The following HOXD11 variants were observed in gnomAD, a reference collection of about 807,000 sequenced individuals.
The protein encoded by HOXD11 is homeobox protein Hox-D11.
HOXD11 carries 16 observed loss-of-function variants against 23.1 expected under a neutral mutation model. The ratio of observed to expected loss-of-function variants is 0.69; its 90% CI spans 0.47 to 1.05. The LOEUF (loss-of-function observed/expected upper bound fraction) is 1.05. Ranked by LOEUF, HOXD11 falls within the 50% of genes least tolerant of loss-of-function variation. The probability of loss-of-function intolerance (pLI) is 0.00; values close to 1 mark genes in which losing one functional copy is unlikely to be tolerated. For missense variants in HOXD11, 564 were observed against 495.6 expected (o/e 1.14, Z -1.31); for synonymous variants, 262 against 224.4 (o/e 1.17, Z -1.50).
At position 176,107,620 on chromosome 2, in the gene HOXD11, A is replaced by AGCGGGGGCGGCCCCG. The variant is rs1337534030; in HGVS notation, c.277_291dup (p.Pro93_Gly97dup). ...CGGCGGCAGCGCGGGGGGCGGCAGC[A>AGCGGGGGCGGCCCCG]GCGGGGGCGGCCCCGGCGGGGGCGG... On this transcript the variant is annotated inframe_insertion, in exon 1 of 2. Coordinates refer to ENST00000249504, the MANE Select transcript of HOXD11 (RefSeq NM_021192.3). 8.2e-6 allele frequency: 9 copies of AGCGGGGGCGGCCCCG among 1,099,194 alleles called. No individual in the cohort carries two copies. The highest frequency in any genetic ancestry group is 1.7e-5 in the African/African-American group (1 of 59,000). The allele number at this position is 1,099,194 out of a possible 1,614,324, so 68.1% of individuals were successfully genotyped here. A position where few individuals can be genotyped will look rare whatever the true frequency, so the allele number is the denominator to read the frequency against.
downstream of HOXD11, among the ~76,000 whole-genome samples, chr2:176,111,726 G>C (rs1689674767): frequency 6.7e-6 from 1 of 149,454 alleles, no homozygotes; most frequent in Non-Finnish European, 1.5e-5. Context: ...CATAGCCACT[G>C]CTGGTTAATT....
rs1559114675 is a variant in HOXD11 at position 176,109,730 on chromosome 2, G to T, written c.*588G>T. 5.4e-6 allele frequency: 1 copy of T among 185,330 alleles called. No homozygotes were observed. Among genetic ancestry groups the T allele is most frequent in the Non-Finnish European group, 1.1e-5 (1 of 87,670 alleles). 11.5% of individuals were successfully genotyped at this position (185,330 alleles called of 1,614,324 possible). ...TTTAGTGGCCAGAACCCATGCAACT[G>T]AAAATCGAATGAAATACTTTTTAGT... On this transcript the variant is annotated 3_prime_UTR_variant, in exon 2 of 2. Transcript: ENST00000249504.
Position 176,109,299 on chromosome 2 carries a change from C to T in HOXD11, c.*157C>T, listed in dbSNP as rs561964473. On this transcript the variant is annotated 3_prime_UTR_variant, in exon 2 of 2. Coordinates refer to ENST00000249504, the MANE Select transcript of HOXD11 (RefSeq NM_021192.3). The stretch of plus-strand genomic sequence containing the variant: ...GGTCAACTCGGGACCTCCCAGCGAC[C>T]ACTGCAGCCTGCGGACGAGGCCGGG... The T allele has an allele frequency of 4.8e-6, 3 of 621,938 alleles. No individual in the cohort carries two copies. The highest frequency in any genetic ancestry group is 3.9e-5 in the South Asian group (2 of 50,744). 38.5% of individuals were successfully genotyped at this position (621,938 alleles called of 1,614,324 possible).
In HOXD11 at chr2:176,107,495, A is replaced by G. The variant is rs1689594789; in HGVS notation, c.140A>G (p.Tyr47Cys). The G allele has an allele frequency of 1.9e-6, 3 of 1,611,632 alleles. No homozygotes were observed. Among genetic ancestry groups the G allele is most frequent in the African/African-American group, 1.3e-5 (1 of 74,188 alleles). ...TCGTCCTGCCAGATGACTTTCCCCTACTCTTCCAACCTGGCTCCGCACGTC... is the reference window on the plus strand; with the variant it reads ...TCGTCCTGCCAGATGACTTTCCCCTGCTCTTCCAACCTGGCTCCGCACGTC... Reference protein sequence around the residue: ...QPSSCQMTFPYSSNLAPHVQP... With the variant: ...QPSSCQMTFPCSSNLAPHVQP... The change falls in exon 1 of 2, where the codon TAC becomes TGC. Residue 47 changes from tyrosine to cysteine, a missense_variant. Tyr to Cys is a radical substitution (Grantham distance 194, BLOSUM62 -2). Coordinates refer to ENST00000249504, the MANE Select transcript of HOXD11 (RefSeq NM_021192.3).
chr2:176,110,582 A>G (rs1028535976), downstream of HOXD11, among the ~76,000 whole-genome samples: 1 of 152,238 alleles, frequency 6.6e-6, no homozygotes, highest in Non-Finnish European at 1.5e-5. Flanking sequence ...TTTGGGAAGG[A>G]AAAAATAAGT....
chr2:176,109,353 A>G lies in HOXD11; in HGVS notation c.*211A>G. ...TGGCCGAGCGGATCCTAATAAGGGGAAAATGGTAAATGCAAACGTCCCGTT... is the reference window on the plus strand; with the variant it reads ...TGGCCGAGCGGATCCTAATAAGGGGGAAATGGTAAATGCAAACGTCCCGTT... On this transcript the variant is annotated 3_prime_UTR_variant, in exon 2 of 2. Coordinates refer to ENST00000249504, the MANE Select transcript of HOXD11 (RefSeq NM_021192.3). The G allele has an allele frequency of 1.8e-6, 1 of 541,524 alleles. No individual in the cohort carries two copies. Among genetic ancestry groups the G allele is most frequent in the Non-Finnish European group, 3.3e-6 (1 of 304,234 alleles). The allele number at this position is 541,524 out of a possible 1,614,324, so 33.5% of individuals were successfully genotyped here.
intron 1 of HOXD11, 53 bp downstream of exon 1, chr2:176,108,189 GGGGGGGC>G: frequency 1.2e-6 from 1 of 860,748 alleles, no homozygotes; most frequent in Non-Finnish European, 1.6e-6. Context: ...GGGGGAGGGG[GGGGGGGC>G]GGAGGCCTCC....
Position 176,109,746 on chromosome 2 carries a change from A to G in HOXD11, c.*604A>G. 5.5e-6 allele frequency: 1 copy of G among 181,710 alleles called. No individual in the cohort carries two copies. The highest frequency in any genetic ancestry group is 9.1e-5 in the East Asian group (1 of 11,022). The allele number at this position is 181,710 out of a possible 1,614,324, so 11.3% of individuals were successfully genotyped here. A position where few individuals can be genotyped will look rare whatever the true frequency, so the allele number is the denominator to read the frequency against. ...CATGCAACTGAAAATCGAATGAAAT[A>G]CTTTTTAGTCCCACTAAAATAGTAG... On this transcript the variant is annotated 3_prime_UTR_variant, in exon 2 of 2. Transcript: ENST00000249504.
Position 176,109,519 on chromosome 2 carries a change from C to T in HOXD11, c.*377C>T, listed in dbSNP as rs1488178777. 1 of 271,308 alleles carries T rather than the reference C, an allele frequency of 3.7e-6. No individual in the cohort carries two copies. Among genetic ancestry groups the T allele is most frequent in the East Asian group, 5.4e-5 (1 of 18,354 alleles). 16.8% of individuals were successfully genotyped at this position (271,308 alleles called of 1,614,324 possible). On this transcript the variant is annotated 3_prime_UTR_variant, in exon 2 of 2. Transcript: ENST00000249504. ...GTTTTGCTCTGAGTTTTAAGAGATC[C>T]CTTCCTTCCTCTTCGGTGAATGCAG...
At chr2:176,108,885 C>T (rs1689631524) in intron 1 of HOXD11, 22 bp from the exon 2 acceptor site, 4 of 1,571,820 alleles carry the variant, frequency 2.5e-6, no homozygotes, top group East Asian at 2.2e-5. Context: ...CTCTCTCACC[C>T]CCTGGTCTCT....
At chr2:176,113,944 CAAGGAAT>C, downstream of HOXD11, among the ~76,000 whole-genome samples, 1 of 152,298 alleles carries the variant, frequency 6.6e-6, no homozygotes, top group South Asian at 2.1e-4. Flanking sequence ...TACCCGCCCG[CAAGGAAT>C]TGCTTGTTTT....
the HOXD11 span, among the ~76,000 whole-genome samples, chr2:176,114,902 A>G: frequency 1.4e-4 from 22 of 152,210 alleles, no homozygotes; most frequent in Non-Finnish European, 2.5e-4. Context: ...TCATGGTCAG[A>G]GTTTCTGGGA....
At chr2:176,111,832 A>AAAAAAAAAAAC (rs1689677902), downstream of HOXD11, among the ~76,000 whole-genome samples, 1 of 145,344 alleles carries the variant, frequency 6.9e-6, no homozygotes, top group African/African-American at 2.6e-5. Context: ...CCCGCAAAAA[A>AAAAAAAAAAAC]AAAAAAAAAA....
At chr2:176,108,389 G>C (rs1170140545) in intron 1 of HOXD11, among the ~76,000 whole-genome samples, 1 of 151,944 alleles carries the variant, frequency 6.6e-6, no homozygotes, top group Non-Finnish European at 1.5e-5. Flanking sequence ...TTGGGCAGGG[G>C]GTTGCTAGAT....
At chr2:176,112,559 G>C (rs1381057294), downstream of HOXD11, among the ~76,000 whole-genome samples, 3 of 152,206 alleles carry the variant, frequency 2.0e-5, no homozygotes, top group African/African-American at 7.2e-5. Context: ...GAGCCCCCCG[G>C]CGAGGCTCCA....
At chr2:176,112,170 C>A (rs1280657434), downstream of HOXD11, among the ~76,000 whole-genome samples, 2 of 152,188 alleles carry the variant, frequency 1.3e-5, no homozygotes, top group East Asian at 3.9e-4. Context: ...TTGAAGCAAA[C>A]GGGCTTTGCG....
In HOXD11 at chr2:176,107,461, T is replaced by C; in HGVS notation, c.106T>C (p.Ser36Pro). ...CTTCGCTAGCAAGCCTTCGTTCCTTTCCCAACCGTCGTCCTGCCAGATGAC... is the reference window on the plus strand; with the variant it reads ...CTTCGCTAGCAAGCCTTCGTTCCTTCCCCAACCGTCGTCCTGCCAGATGAC... Reference protein sequence around the residue: ...SDFASKPSFLSQPSSCQMTFP... With the variant: ...SDFASKPSFLPQPSSCQMTFP... Residue 36 changes from serine to proline, a missense_variant, in exon 1 of 2, where the codon TCC becomes CCC. Ser to Pro is a moderately conservative substitution (Grantham distance 74). Coordinates refer to ENST00000249504, the MANE Select transcript of HOXD11 (RefSeq NM_021192.3). The C allele has an allele frequency of 1.2e-6, 2 of 1,613,932 alleles. No individual in the cohort carries two copies. Among genetic ancestry groups the C allele is most frequent in the Non-Finnish European group, 1.7e-6 (2 of 1,179,920 alleles).
the HOXD11 span, among the ~76,000 whole-genome samples, chr2:176,114,797 A>G: frequency 6.6e-6 from 1 of 152,256 alleles, no homozygotes; most frequent in Non-Finnish European, 1.5e-5. Flanking sequence ...TTTACCCACA[A>G]GTTCAGTCTC....
rs1387396758 is a variant in HOXD11 at position 176,107,759 on chromosome 2, G to C, written c.404G>C (p.Arg135Pro). Residue 135 changes from arginine to proline, a missense_variant, in exon 1 of 2, where the codon CGC (arginine) becomes CCC (proline). Transcript: ENST00000249504. ...MQRELLPPAG[R>P]RPDVLFKAPE... ...CGCGAGCTTCTCCCGCCCGCGGGCC[G>C]CCGGCCGGACGTGCTCTTCAAGGCG... 8.2e-7 allele frequency: 1 copy of C among 1,218,094 alleles called. No individual in the cohort carries two copies. Among genetic ancestry groups the C allele is most frequent in the East Asian group, 3.6e-5 (1 of 28,164 alleles). 75.5% of individuals were successfully genotyped at this position (1,218,094 alleles called of 1,614,324 possible).
Sources: allele counts gnomAD v4.1 joint callset (sites outside exome capture counted in the v4.1 genomes callset), GRCh38; gene constraint gnomAD v4.1.1; transcripts MANE v1.5; gene names NCBI Gene and HGNC (gene_info 2026-07-23, HGNC 2026-07-21).